The following CALN1 variants were observed in gnomAD, a reference collection of about 807,000 sequenced individuals.
CALN1 encodes the protein calcium-binding protein 8.
A neutral mutation model predicts 30.6 loss-of-function variants in CALN1; 17 were observed. The ratio of observed to expected loss-of-function variants is 0.56; its 90% CI spans 0.38 to 0.83. The LOEUF (loss-of-function observed/expected upper bound fraction) is 0.83. CALN1 is among the 40% of genes least tolerant of loss of function. The pLI, the probability that CALN1 is intolerant of heterozygous loss-of-function variation, is 0.00. For synonymous variants in CALN1, 156 were observed against 131.4 expected, an observed-to-expected ratio of 1.19 and a Z score of -1.28; for missense variants, 291 against 354.9, an observed-to-expected ratio of 0.82 and a Z score of 1.45.
intron 6 of CALN1, among the ~76,000 whole-genome samples, chr7:71,799,239 T>C (rs1440599644): frequency 2.0e-5 from 3 of 152,088 alleles, no homozygotes; most frequent in African/African-American, 4.8e-5. Context: ...ATGAGGAAGA[T>C]TGTATCATGA....
At position 71,786,420 on chromosome 7, in the gene CALN1, C is replaced by T. The variant is rs1792982984; in HGVS notation, c.*1355G>A. The T allele has an allele frequency of 6.6e-6, 1 of 152,146 alleles. No individual in the cohort carries two copies. Among genetic ancestry groups the T allele is most frequent in the African/African-American group, 2.4e-5 (1 of 41,424 alleles). The allele number at this position is 152,146 out of a possible 1,614,324, so 9.4% of individuals were successfully genotyped here. ...AGCTTGAATTCATAGTAGTGGCTGA[C>T]ATCTAGGAAAAGTCAGGAAATTACA... On this transcript the variant is annotated 3_prime_UTR_variant, in exon 7 of 7. Coordinates refer to ENST00000395275, the MANE Select transcript of CALN1 (RefSeq NM_031468.4).
chr7:71,793,769 G>A (rs942270301), intron 6 of CALN1, among the ~76,000 whole-genome samples: 2 of 152,096 alleles, frequency 1.3e-5, no homozygotes, highest in African/African-American at 4.8e-5. Flanking sequence ...CCCGCTACTC[G>A]GGAGGCTGAT....
intron 3 of CALN1, among the ~76,000 whole-genome samples, chr7:72,124,944 ATTTT>A (rs372923522): frequency 6.6e-6 from 1 of 151,312 alleles, no homozygotes; most frequent in South Asian, 2.1e-4. Flanking sequence ...ACAACTCATT[ATTTT>A]TTTTTAACTC....
At chr7:72,019,348 T>A (rs1800578514) in intron 5 of CALN1, among the ~76,000 whole-genome samples, 1 of 152,162 alleles carries the variant, frequency 6.6e-6, no homozygotes, top group Admixed American at 6.5e-5. Context: ...TTATGGTAGC[T>A]AGCCTCCAAA....
intron 4 of CALN1, among the ~76,000 whole-genome samples, chr7:72,029,490 T>G (rs1014048347): frequency 2.6e-5 from 4 of 152,138 alleles, no homozygotes; most frequent in African/African-American, 9.7e-5. Context: ...AGGAATGTCT[T>G]TTGTTCTAAT....
At chr7:72,163,127 C>T (rs1463051589) in intron 3 of CALN1, among the ~76,000 whole-genome samples, 2 of 152,010 alleles carry the variant, frequency 1.3e-5, no homozygotes, top group Non-Finnish European at 2.9e-5. Context: ...ATTGGCAAAA[C>T]GTTTGGAATT....
At chr7:72,426,571 A>C (rs1807803887) in intron 1 of CALN1, among the ~76,000 whole-genome samples, 1 of 152,192 alleles carries the variant, frequency 6.6e-6, no homozygotes, top group African/African-American at 2.4e-5. Flanking sequence ...TTTATAAATT[A>C]CACAGTCTCA....
At chr7:72,075,939 T>C (rs1051233702) in intron 4 of CALN1, among the ~76,000 whole-genome samples, 1 of 152,046 alleles carries the variant, frequency 6.6e-6, no homozygotes, top group East Asian at 1.9e-4. Flanking sequence ...GCACAGGGCA[T>C]AGGCACTCAT....
intron 2 of CALN1, among the ~76,000 whole-genome samples, chr7:72,362,056 T>C (rs1431632059): frequency 6.6e-6 from 1 of 152,206 alleles, no homozygotes; most frequent in South Asian, 2.1e-4. Context: ...AAATAGCATA[T>C]ATTGTGTAAC....
intron 4 of CALN1, among the ~76,000 whole-genome samples, chr7:72,102,767 G>C (rs967111716): frequency 6.6e-6 from 1 of 151,756 alleles, no homozygotes; most frequent in Non-Finnish European, 1.5e-5. Context: ...GGATTGAGAG[G>C]TGATGGCTAA....
At chr7:71,790,371 A>G (rs376229901) in intron 6 of CALN1, among the ~76,000 whole-genome samples, 73 of 25,596 alleles carry the variant, frequency 2.9e-3, no homozygotes, top group African/African-American at 3.8e-3. Context: ...AAGAAAGAAA[A>G]GAAAGAAAGA....
At chr7:72,044,497 AAGAG>A (rs1263309454) in intron 4 of CALN1, among the ~76,000 whole-genome samples, 1 of 152,038 alleles carries the variant, frequency 6.6e-6, no homozygotes, top group Non-Finnish European at 1.5e-5. Context: ...TTATCCAGGC[AAGAG>A]AGAAACAGGC....
Position 72,403,312 on chromosome 7 carries a change from C to G in CALN1, c.58G>C (p.Gly20Arg). 2 of 1,550,290 alleles carry G rather than the reference C, an allele frequency of 1.3e-6. No individual in the cohort carries two copies. Among genetic ancestry groups the G allele is most frequent in the Non-Finnish European group, 1.7e-6 (2 of 1,147,008 alleles). Residue 20 changes from glycine (G) to arginine (R), a missense_variant, in exon 2 of 7, where the codon GGA becomes CGA. Gly to Arg is a moderately radical substitution (Grantham distance 125, BLOSUM62 -2). This residue lies in a region of CALN1 where 122 missense variants were observed against 103.2 expected (regional missense o/e 1.18). Coordinates refer to ENST00000395275, the MANE Select transcript of CALN1 (RefSeq NM_031468.4). ...GKPENEKKGDGGALGGGEEPP... is the reference protein window; with the variant it reads ...GKPENEKKGDRGALGGGEEPP... ...TCCTCTCCCCCTCCGAGGGCTCCTC[C>G]GTCCCCCTTTTTCTCATTCTCGGGC... is the stretch of plus-strand genomic sequence containing the variant.
chr7:71,917,470 CTAAT>C (rs1762023455), intron 5 of CALN1, among the ~76,000 whole-genome samples: 1 of 152,110 alleles, frequency 6.6e-6, no homozygotes, highest in Non-Finnish European at 1.5e-5. Context: ...GATGAATATG[CTAAT>C]TAATTGATTG....
chr7:72,487,734 A>AAAGAAAGGAAGGAAGGAAGGAAGG, the CALN1 span, among the ~76,000 whole-genome samples: 8 of 56,614 alleles, frequency 1.4e-4, no homozygotes, highest in African/African-American at 2.2e-4. Context: ...AGAAAGAAAG[A>AAAGAAAGGAAGGAAGGAAGGAAGG]AAGGAAGGAA....
intron 2 of CALN1, among the ~76,000 whole-genome samples, chr7:72,309,511 G>A (rs2944833): frequency 0.47 from 70,814 of 151,688 alleles, 17,499 homozygotes; most frequent in South Asian, 0.68. Flanking sequence ...ATAGGGGAGG[G>A]GGGCTCACAA....
rs188762774 is a variant in CALN1, at chr7:71,968,850, G to T, written c.501+54807C>A. Among the ~76,000 whole-genome samples, 45 of 151,590 alleles carry T rather than the reference G, an allele frequency of 3.0e-4. No individual in the cohort carries two copies. In the East Asian group the frequency reaches 4.9e-3, roughly 17 times the overall value. ...GCTTGAGTCCAGGAGTTCAAGACCA[G>T]CCTAGGCAACACAGCAAGACCACAC... On this transcript the variant is annotated intron_variant, in intron 5 of 6. Coordinates refer to ENST00000395275, the MANE Select transcript of CALN1 (RefSeq NM_031468.4).
At chr7:72,179,388 T>A (rs1224100491) in intron 3 of CALN1, among the ~76,000 whole-genome samples, 1 of 152,154 alleles carries the variant, frequency 6.6e-6, no homozygotes, top group Non-Finnish European at 1.5e-5. Flanking sequence ...GGCAAATACA[T>A]CTGCCCCCAA....
chr7:72,242,262 T>C (rs889843133), intron 3 of CALN1, among the ~76,000 whole-genome samples: 2 of 152,230 alleles, frequency 1.3e-5, no homozygotes, highest in African/African-American at 2.4e-5. Flanking sequence ...ACCACATTCT[T>C]TCCACCTTTT....
Sources: allele counts gnomAD v4.1 joint callset (sites outside exome capture counted in the v4.1 genomes callset), GRCh38; gene constraint gnomAD v4.1.1; regional missense constraint gnomAD v4.1.1; transcripts MANE v1.5; gene names NCBI Gene and HGNC (gene_info 2026-07-23, HGNC 2026-07-21).